The following C10orf67 variants were observed in gnomAD, a reference collection of about 807,000 sequenced individuals.
The protein encoded by C10orf67 is uncharacterized protein C10orf67, mitochondrial.
C10orf67 carries 60 observed loss-of-function variants against 35.6 expected under a neutral mutation model. That is an observed-to-expected ratio of 1.68 (90% CI 1.37 to 2.09). The LOEUF (loss-of-function observed/expected upper bound fraction) is 2.09. C10orf67 is among the 30% of genes most tolerant of loss of function. The probability of loss-of-function intolerance (pLI) is 0.00; values close to 1 mark genes in which losing one functional copy is unlikely to be tolerated. For missense variants in C10orf67, 474 were observed against 330.2 expected (o/e 1.44, Z -3.38); for synonymous variants, 167 against 115.8 (o/e 1.44, Z -2.84).
Position 23,203,823 on chromosome 10 carries a change from G to C in C10orf67, c.*350C>G, listed in dbSNP as rs1383725652. 5.6e-6 allele frequency: 1 copy of C among 179,088 alleles called. No homozygotes were observed. The highest frequency in any genetic ancestry group is 1.2e-5 in the Non-Finnish European group (1 of 86,472). The allele number at this position is 179,088 out of a possible 1,614,324, so 11.1% of individuals were successfully genotyped here. The stretch of plus-strand genomic sequence containing the variant: ...TGGTATAGAAAGACTGGATTAGAGA[G>C]GGAGTCAAACTTTTTAATTAAAGTC... On this transcript the variant is annotated 3_prime_UTR_variant, in exon 16 of 16. Transcript: ENST00000636213.
chr10:23,215,002 G>A (rs1014347995), intron 15 of C10orf67, among the ~76,000 whole-genome samples: 2 of 152,016 alleles, frequency 1.3e-5, no homozygotes, highest in South Asian at 2.1e-4. Flanking sequence ...CAGCCTGGGC[G>A]ACAGACCAAG....
intron 15 of C10orf67, among the ~76,000 whole-genome samples, chr10:23,215,740 C>T (rs1841414814): frequency 6.6e-6 from 1 of 151,720 alleles, no homozygotes; most frequent in Non-Finnish European, 1.5e-5. Context: ...AATAAAAGAC[C>T]AGAAAATTAA....
intron 1 of C10orf67, among the ~76,000 whole-genome samples, chr10:23,343,630 C>T (rs971232327): frequency 2.6e-5 from 4 of 152,200 alleles, no homozygotes; most frequent in African/African-American, 9.6e-5. Flanking sequence ...AACTGAGGCA[C>T]AGAGCAGTCA....
intron 8 of C10orf67, among the ~76,000 whole-genome samples, chr10:23,267,859 C>T (rs1588632800): frequency 1.3e-5 from 2 of 151,608 alleles, no homozygotes; most frequent in East Asian, 3.9e-4. Flanking sequence ...CAAGATAGTG[C>T]CATTGCACTC....
chr10:23,332,936 C>T, intron 2 of C10orf67, 126 bp downstream of exon 2: 1 of 871,630 alleles, frequency 1.1e-6, no homozygotes, highest in Non-Finnish European at 1.8e-6. Flanking sequence ...AGCTATCATT[C>T]AGCTGTTTGT....
chr10:23,230,476 TGA>T (rs1841878350), intron 13 of C10orf67, among the ~76,000 whole-genome samples: 1 of 152,106 alleles, frequency 6.6e-6, no homozygotes, highest in Non-Finnish European at 1.5e-5. Flanking sequence ...ACATTAATAT[TGA>T]GAACATTTAT....
chr10:23,327,041 T>C (rs1845229002), intron 2 of C10orf67, among the ~76,000 whole-genome samples: 1 of 152,170 alleles, frequency 6.6e-6, no homozygotes, highest in Admixed American at 6.5e-5. Flanking sequence ...TTTCTTGTAC[T>C]GTACGGTAGA....
intron 8 of C10orf67, among the ~76,000 whole-genome samples, chr10:23,273,756 G>T (rs1441036030): frequency 6.6e-6 from 1 of 152,160 alleles, no homozygotes; most frequent in Non-Finnish European, 1.5e-5. Context: ...ATCCAACTAG[G>T]CATATATTGC....
chr10:23,308,538 C>T (rs1318746899), intron 4 of C10orf67, among the ~76,000 whole-genome samples: 1 of 152,168 alleles, frequency 6.6e-6, no homozygotes, highest in Non-Finnish European at 1.5e-5. Context: ...ATACACTCGG[C>T]ATCCAACTTC....
chr10:23,251,635 T>C (rs970899883), intron 10 of C10orf67, among the ~76,000 whole-genome samples: 2 of 152,186 alleles, frequency 1.3e-5, no homozygotes, highest in African/African-American at 2.4e-5. Flanking sequence ...AGGCTAATTC[T>C]CAGTGTAGCT....
chr10:23,228,232 C>G (rs1420315678), intron 13 of C10orf67, among the ~76,000 whole-genome samples: 2 of 152,084 alleles, frequency 1.3e-5, no homozygotes, highest in African/African-American at 4.8e-5. Flanking sequence ...GTACTGGTAC[C>G]AAACCAGAGA....
At chr10:23,269,718 A>G (rs902219175) in intron 8 of C10orf67, among the ~76,000 whole-genome samples, 1 of 152,040 alleles carries the variant, frequency 6.6e-6, no homozygotes, top group African/African-American at 2.4e-5. Context: ...CACAAACATA[A>G]GAAGGCTGGA....
intron 15 of C10orf67, among the ~76,000 whole-genome samples, chr10:23,219,696 G>T (rs1841525886): frequency 6.6e-6 from 1 of 152,038 alleles, no homozygotes; most frequent in Admixed American, 6.6e-5. Flanking sequence ...TTTAGAACTT[G>T]CAACATAACA....
chr10:23,209,000 C>T (rs556942891), intron 15 of C10orf67, among the ~76,000 whole-genome samples: 226 of 152,066 alleles, frequency 1.5e-3, no homozygotes, highest in Middle Eastern at 0.01. Context: ...CACAGAAGCT[C>T]AGCGAGACCA....
intron 4 of C10orf67, among the ~76,000 whole-genome samples, chr10:23,313,042 C>T (rs1844558001): frequency 6.6e-6 from 1 of 152,136 alleles, no homozygotes; most frequent in African/African-American, 2.4e-5. Context: ...TTATCACCTC[C>T]CCACCCTCTC....
chr10:23,230,096 A>G (rs933419142), intron 13 of C10orf67, among the ~76,000 whole-genome samples: 4 of 152,292 alleles, frequency 2.6e-5, no homozygotes, highest in African/African-American at 9.6e-5. Context: ...GATAAGATTT[A>G]GATATTAAAT....
At chr10:23,239,047 A>T (rs2132136160) in intron 13 of C10orf67, among the ~76,000 whole-genome samples, 2 of 152,260 alleles carry the variant, frequency 1.3e-5, no homozygotes, top group South Asian at 4.1e-4. Flanking sequence ...AAAAAAAAAG[A>T]GCATATATTT....
At chr10:23,229,845 T>C (rs1841857847) in intron 13 of C10orf67, among the ~76,000 whole-genome samples, 1 of 152,094 alleles carries the variant, frequency 6.6e-6, no homozygotes, top group East Asian at 1.9e-4. Context: ...CTAAACAAAA[T>C]ATATAACATA....
intron 4 of C10orf67, among the ~76,000 whole-genome samples, chr10:23,316,266 T>C (rs913922758): frequency 6.6e-6 from 1 of 152,204 alleles, no homozygotes; most frequent in Non-Finnish European, 1.5e-5. Context: ...GCCAGCTCCC[T>C]GCAAGGCTGC....
Sources: allele counts gnomAD v4.1 joint callset (sites outside exome capture counted in the v4.1 genomes callset), GRCh38; gene constraint gnomAD v4.1.1; transcripts MANE v1.5; gene names NCBI Gene and HGNC (gene_info 2026-07-23, HGNC 2026-07-21).